CRISP3: variants seen among roughly 807,000 people sequenced by gnomAD.
CRISP3 encodes the protein cysteine-rich secretory protein 3.
A neutral mutation model predicts 36.1 loss-of-function variants in CRISP3; 33 were observed. That is an observed-to-expected ratio of 0.91 (90% confidence interval 0.69 to 1.22). CRISP3 has a LOEUF of 1.22. Ranked by LOEUF, CRISP3 falls within the 50% of genes most tolerant of loss-of-function variation. CRISP3 has a pLI of 0.00. For synonymous variants in CRISP3, 117 were observed against 104.6 expected (o/e 1.12, Z -0.72); for missense variants, 330 against 301.2 (o/e 1.10, Z -0.71).
At position 49,735,579 on chromosome 6, in the gene CRISP3, C is replaced by CTT. The variant is rs1388755076; in HGVS notation, c.239_240dup (p.Glu81LysfsTer25). On this transcript the variant is annotated frameshift_variant, in exon 4 of 8. Coordinates refer to ENST00000263045, the MANE Select transcript of CRISP3 (RefSeq NM_006061.4). LOFTEE classifies it high-confidence loss of function. ...CACTTTTGGGCATTTGCTGCAGCCT[C>CTT]TTTGTTCCATTCCTGAAACAAGGAC... 6.2e-7 allele frequency: 1 copy of CTT among 1,612,256 alleles called. No individual in the cohort carries two copies. Among genetic ancestry groups the CTT allele is most frequent in the Admixed American group, 1.7e-5 (1 of 59,882 alleles).
chr6:49,737,548 G>T, intron 1 of CRISP3, 150 bp from the exon 2 acceptor site: 1 of 794,126 alleles, frequency 1.3e-6, no homozygotes. Context: ...CATGGAGCCA[G>T]CAGAATGACA....
rs1471738370 is a variant in CRISP3, at chr6:49,737,492, C to G, written c.38-94G>C. On this transcript the variant is annotated intron_variant, in intron 1 of 7. Coordinates refer to ENST00000263045, the MANE Select transcript of CRISP3 (RefSeq NM_006061.4). Reference sequence around the variant, plus strand: ...GGGGGTGGGAGAAACGTAATGACCTCCATTATCCCAAATTCATTATTAATG... The same window carrying G: ...GGGGGTGGGAGAAACGTAATGACCTGCATTATCCCAAATTCATTATTAATG... 3 of 1,249,690 alleles carry G rather than the reference C, an allele frequency of 2.4e-6. No homozygotes were observed. The African/African-American group carries it at 4.5e-5, about 19-fold the overall frequency. 77.4% of individuals were successfully genotyped at this position (1,249,690 alleles called of 1,614,324 possible).
intron 6 of CRISP3, 33 bp downstream of exon 6, chr6:49,733,162 T>C (rs777568345): frequency 2.5e-6 from 3 of 1,209,356 alleles, no homozygotes; most frequent in Non-Finnish European, 2.4e-6. Flanking sequence ...GTATTTAGCA[T>C]TATTGACAAT....
chr6:49,728,036 A>G lies in CRISP3; in HGVS notation c.*694T>C, dbSNP rs1452144304. 1 of 152,148 alleles carries G rather than the reference A, an allele frequency of 6.6e-6. No homozygotes were observed. The highest frequency in any genetic ancestry group is 1.5e-5 in the Non-Finnish European group (1 of 67,994). 9.4% of individuals were successfully genotyped at this position (152,148 alleles called of 1,614,324 possible). Reference sequence around the variant, plus strand: ...CTCCTTGAGTGGAGGGTATTTACCTATATTATCTTGTATTCTTTTTTAAGG... The same window carrying G: ...CTCCTTGAGTGGAGGGTATTTACCTGTATTATCTTGTATTCTTTTTTAAGG... On this transcript the variant is annotated 3_prime_UTR_variant, in exon 8 of 8. Coordinates refer to ENST00000263045, the MANE Select transcript of CRISP3 (RefSeq NM_006061.4).
intron 3 of CRISP3, among the ~76,000 whole-genome samples, chr6:49,736,102 G>A (rs1769044780): frequency 2.0e-5 from 3 of 152,048 alleles, no homozygotes; most frequent in Admixed American, 2.0e-4. Context: ...CTCAGATTAG[G>A]ACAGATAAGA....
intron 6 of CRISP3, among the ~76,000 whole-genome samples, chr6:49,731,700 A>T (rs201390227): frequency 6.1e-4 from 16 of 26,318 alleles, no homozygotes; most frequent in South Asian, 2.1e-3. Context: ...AATTAAAAAT[A>T]AAAAAAAACC....
chr6:49,742,450 G>A (rs917589492), intron 1 of CRISP3, among the ~76,000 whole-genome samples: 1 of 151,918 alleles, frequency 6.6e-6, no homozygotes, highest in African/African-American at 2.4e-5. Context: ...TGCGTAACAT[G>A]GTGAAACCTC....
rs1180504698 is a variant in CRISP3, at chr6:49,727,809, G to T, written c.*921C>A. On this transcript the variant is annotated 3_prime_UTR_variant, in exon 8 of 8. Transcript: ENST00000263045. ...ATGTTTTAGCTCATAATTAGATTGG[G>T]ATTATGAATTTTTAGAAAGATTATC... 1.3e-5 allele frequency: 2 copies of T among 152,106 alleles called. No homozygotes were observed. The highest frequency in any genetic ancestry group is 6.6e-5 in the Admixed American group (1 of 15,260). 9.4% of individuals were successfully genotyped at this position (152,106 alleles called of 1,614,324 possible).
intron 6 of CRISP3, 116 bp from the exon 7 acceptor site, chr6:49,731,367 T>C: frequency 2.1e-6 from 1 of 482,810 alleles, no homozygotes; most frequent in Non-Finnish European, 3.7e-6. Flanking sequence ...TTTAATTATG[T>C]CAAATAATTA....
intron 2 of CRISP3, among the ~76,000 whole-genome samples, chr6:49,736,897 T>C (rs1335161527): frequency 6.6e-6 from 1 of 152,170 alleles, no homozygotes; most frequent in African/African-American, 2.4e-5. Flanking sequence ...GCATATGATT[T>C]ACCCTAAGAC....
Position 49,728,490 on chromosome 6 carries a change from A to G in CRISP3, c.*240T>C, listed in dbSNP as rs779871663. On this transcript the variant is annotated 3_prime_UTR_variant, in exon 8 of 8. Transcript: ENST00000263045. ...ATTAAATTCAGTAAATTTAAATCAC[A>G]AAGTTTATATATAAAAATCCAAAGT... 1.3e-5 allele frequency: 4 copies of G among 298,266 alleles called. No individual in the cohort carries two copies. The highest frequency in any genetic ancestry group is 5.1e-5 in the Admixed American group (1 of 19,792). 18.5% of individuals were successfully genotyped at this position (298,266 alleles called of 1,614,324 possible).
intron 6 of CRISP3, among the ~76,000 whole-genome samples, chr6:49,731,609 C>A (rs534080358): frequency 6.6e-6 from 1 of 152,062 alleles, no homozygotes; most frequent in Non-Finnish European, 1.5e-5. Context: ...TAAAACATAT[C>A]CCCTAGAGAG....
At chr6:49,735,269 A>G (rs1385504542) in intron 4 of CRISP3, among the ~76,000 whole-genome samples, 1 of 151,964 alleles carries the variant, frequency 6.6e-6, no homozygotes, top group East Asian at 1.9e-4. Flanking sequence ...TTTACTCCTG[A>G]GCTGATTGAG....
In CRISP3 at chr6:49,728,715, G is replaced by A. The variant is rs770524164; in HGVS notation, c.*15C>T. ...ACTCCTCTCTACATAGCCCTACTCG[G>A]TGTGTAATGCGTATTTAATAAATGC... On this transcript the variant is annotated 3_prime_UTR_variant, in exon 8 of 8. Coordinates refer to ENST00000263045, the MANE Select transcript of CRISP3 (RefSeq NM_006061.4). 7 of 1,606,050 alleles carry A rather than the reference G, an allele frequency of 4.4e-6. No individual in the cohort carries two copies. The East Asian group carries it at 1.1e-4, about 26-fold the overall frequency.
intron 1 of CRISP3, among the ~76,000 whole-genome samples, chr6:49,740,969 C>T (rs1769184267): frequency 6.6e-6 from 1 of 151,586 alleles, no homozygotes; most frequent in Non-Finnish European, 1.5e-5. Flanking sequence ...GGCATGGTGG[C>T]GAGAGCCTGT....
At chr6:49,743,592 T>C (rs1267977007) in intron 1 of CRISP3, among the ~76,000 whole-genome samples, 1 of 152,222 alleles carries the variant, frequency 6.6e-6, no homozygotes, top group Non-Finnish European at 1.5e-5. Context: ...CCTTTCATGT[T>C]GTCATTAGGT....
chr6:49,734,725 A>G (rs13196448), intron 4 of CRISP3, among the ~76,000 whole-genome samples: 61,409 of 151,776 alleles, frequency 0.4, 12,990 homozygotes, highest in Admixed American at 0.54. Flanking sequence ...AAAAATATAG[A>G]TAACAGTGGC....
At chr6:49,738,251 C>T (rs1769110112) in intron 1 of CRISP3, among the ~76,000 whole-genome samples, 1 of 152,116 alleles carries the variant, frequency 6.6e-6, no homozygotes, top group African/African-American at 2.4e-5. Flanking sequence ...AAATTTTCAT[C>T]ATGTTATCAT....
intron 1 of CRISP3, among the ~76,000 whole-genome samples, chr6:49,741,883 T>C (rs1465977225): frequency 1.4e-5 from 2 of 147,390 alleles, no homozygotes; most frequent in South Asian, 4.2e-4. Context: ...TTATGTTATA[T>C]ATAATAATAT....
Sources: allele counts gnomAD v4.1 joint callset (sites outside exome capture counted in the v4.1 genomes callset), GRCh38; gene constraint gnomAD v4.1.1; transcripts MANE v1.5; gene names NCBI Gene and HGNC (gene_info 2026-07-23, HGNC 2026-07-21).